The following MAP3K4 variants were observed in gnomAD, a reference collection of about 807,000 sequenced individuals.
MAP3K4 encodes the protein MAP three kinase 1.
In MAP3K4, 67 loss-of-function variants were observed where a neutral mutation model predicts 185.6. The observed-to-expected ratio is 0.36, with a 90% CI of 0.30 to 0.44. The LOEUF (loss-of-function observed/expected upper bound fraction) is 0.44, where lower values mean the gene tolerates loss of function less well. Ranked by LOEUF, MAP3K4 falls within the 20% of genes least tolerant of loss-of-function variation. The pLI, the probability that MAP3K4 is intolerant of heterozygous loss-of-function variation, is 1.00. For synonymous variants in MAP3K4, 702 were observed against 710.4 expected (o/e 0.99, Z 0.19); for missense variants, 1,551 against 1,995.1 (o/e 0.78, Z 4.24).
chr6:161,107,698 A>G lies in MAP3K4; in HGVS notation c.4049-201A>G, dbSNP rs1016918780. 1.3e-5 allele frequency among the ~76,000 whole-genome samples: 2 copies of G among 152,232 alleles called. No homozygotes were observed. The highest frequency in any genetic ancestry group is 4.8e-5 in the African/African-American group (2 of 41,460). On this transcript the variant is annotated intron_variant, in intron 20 of 26. Transcript: ENST00000392142. This position sits in a 1 kb window ranked among gnomAD's most constrained non-coding sequence, Gnocchi z 6.2. ...TTAAAGATACTTGTAGGTAAGACAT[A>G]TTAAAGAGATTGCCTAAAACTTTAG...
intron 2 of MAP3K4, among the ~76,000 whole-genome samples, chr6:161,046,374 T>A (rs988622887): frequency 6.6e-6 from 1 of 152,138 alleles, no homozygotes; most frequent in Admixed American, 6.5e-5. Flanking sequence ...GCAATTTTTT[T>A]ATATAAATAA....
intron 1 of MAP3K4, among the ~76,000 whole-genome samples, chr6:161,006,408 C>A (rs1412451066): frequency 6.6e-6 from 1 of 152,054 alleles, no homozygotes; most frequent in Non-Finnish European, 1.5e-5. Flanking sequence ...TGTTATTATT[C>A]CCTAAATAAT....
At chr6:161,069,464 G>C (rs1454585053) in intron 3 of MAP3K4, among the ~76,000 whole-genome samples, 4 of 152,158 alleles carry the variant, frequency 2.6e-5, no homozygotes, top group Admixed American at 2.0e-4. Context: ...GTGAGGGTTG[G>C]TTGAGAGTGT....
chr6:161,040,334 C>G (rs1458809856), intron 2 of MAP3K4, among the ~76,000 whole-genome samples: 4 of 152,134 alleles, frequency 2.6e-5, no homozygotes, highest in Non-Finnish European at 5.9e-5. Context: ...GCAACCTACA[C>G]ACACACAGAT....
At position 161,092,970 on chromosome 6, in the gene MAP3K4, T is replaced by C; in HGVS notation, c.3270-8T>C. The C allele has an allele frequency of 6.9e-6, 11 of 1,603,982 alleles. No homozygotes were observed. The highest frequency in any genetic ancestry group is 9.4e-6 in the Non-Finnish European group (11 of 1,171,014). On this transcript the variant is annotated splice_region_variant and splice_polypyrimidine_tract_variant and intron_variant, in intron 13 of 26. Transcript: ENST00000392142. Reference sequence around the variant, plus strand: ...GTTATGTGATTACTGAACTTTTTCGTGTACCAGGTGGGCGACTCAAGGATT... The same window carrying C: ...GTTATGTGATTACTGAACTTTTTCGCGTACCAGGTGGGCGACTCAAGGATT...
At position 161,022,075 on chromosome 6, in the gene MAP3K4, T is replaced by C. The variant is rs1175073128; in HGVS notation, c.153-12184T>C. 1 of 152,192 alleles carries C rather than the reference T, an allele frequency of 6.6e-6. No homozygotes were observed. Among genetic ancestry groups the C allele is most frequent in the Non-Finnish European group, 1.5e-5 (1 of 68,024 alleles). The allele number at this position is 152,192 out of a possible 1,614,324, so 9.4% of individuals were successfully genotyped here. On this transcript the variant is annotated intron_variant, in intron 1 of 26. Transcript: ENST00000392142. The surrounding 1 kb of genome is among the most constrained non-coding windows in gnomAD (Gnocchi z 4.2). ...TTAATTCAAAATTACCGTTCCCTAG[T>C]TTGAAAGGCTGTTTTCTATTTCAAC...
intron 1 of MAP3K4, among the ~76,000 whole-genome samples, chr6:161,002,589 C>CT (rs34733206): frequency 0.78 from 82,598 of 106,330 alleles, 33,700 homozygotes; most frequent in Admixed American, 0.83. Flanking sequence ...ATAGTTTTGG[C>CT]TTTTTTTTTT....
In MAP3K4 at chr6:161,107,873, G is replaced by T. The variant is rs201794054; in HGVS notation, c.4049-26G>T. On this transcript the variant is annotated intron_variant, in intron 20 of 26. Transcript: ENST00000392142. This position sits in a 1 kb window ranked among gnomAD's most constrained non-coding sequence, Gnocchi z 6.2. ...AGACAGCCCCCTGCAGTGGCTGGAAGTGCAGCTTGTTTGCATTGTTCACAG... is the reference window on the plus strand; with the variant it reads ...AGACAGCCCCCTGCAGTGGCTGGAATTGCAGCTTGTTTGCATTGTTCACAG... 1 of 1,591,384 alleles carries T rather than the reference G, an allele frequency of 6.3e-7. No homozygotes were observed. The highest frequency in any genetic ancestry group is 1.7e-5 in the Admixed American group (1 of 59,896).
At chr6:161,044,043 A>G (rs536648784) in intron 2 of MAP3K4, among the ~76,000 whole-genome samples, 1 of 152,320 alleles carries the variant, frequency 6.6e-6, no homozygotes, top group African/African-American at 2.4e-5. Flanking sequence ...ATTGCTTGTC[A>G]TTGGTTCCTT....
At chr6:161,039,158 C>T (rs1404695702) in intron 2 of MAP3K4, among the ~76,000 whole-genome samples, 2 of 151,072 alleles carry the variant, frequency 1.3e-5, no homozygotes, top group African/African-American at 2.4e-5. Flanking sequence ...GGTACCAGGT[C>T]GGGTTTGTAG....
In MAP3K4 at chr6:161,101,815, C is replaced by T; in HGVS notation, c.3675-77C>T. On this transcript the variant is annotated intron_variant, in intron 17 of 26. Coordinates refer to ENST00000392142, the MANE Select transcript of MAP3K4 (RefSeq NM_005922.4). The surrounding 1 kb of genome is among the most constrained non-coding windows in gnomAD (Gnocchi z 5.1). ...AGTTGCCCCCAGTTGAGAATTATTG[C>T]TCTAGAAAAATCTCGCAGATCTTTC... is the stretch of plus-strand genomic sequence containing the variant. 2 of 1,248,720 alleles carry T rather than the reference C, an allele frequency of 1.6e-6. No individual in the cohort carries two copies. The highest frequency in any genetic ancestry group is 2.3e-6 in the Non-Finnish European group (2 of 867,410). 77.4% of individuals were successfully genotyped at this position (1,248,720 alleles called of 1,614,324 possible). A position where few individuals can be genotyped will look rare whatever the true frequency, so the allele number is the denominator to read the frequency against.
At position 161,073,416 on chromosome 6, in the gene MAP3K4, C is replaced by A; in HGVS notation, c.1951-50C>A. On this transcript the variant is annotated intron_variant, in intron 4 of 26. Transcript: ENST00000392142. The surrounding 1 kb of genome is among the most constrained non-coding windows in gnomAD (Gnocchi z 4.2). ...AAGTAGGAAGATATAAAACACGGAT[C>A]GTCTGGTTGGAGTTTATGGCTGCTG... is the stretch of plus-strand genomic sequence containing the variant. 2.7e-6 allele frequency: 4 copies of A among 1,485,656 alleles called. No homozygotes were observed. Among genetic ancestry groups the A allele is most frequent in the Non-Finnish European group, 3.6e-6 (4 of 1,114,568 alleles). The allele number at this position is 1,485,656 out of a possible 1,614,324, so 92.0% of individuals were successfully genotyped here. A position where few individuals can be genotyped will look rare whatever the true frequency, so the allele number is the denominator to read the frequency against.
At chr6:161,011,359 A>G (rs767019729) in intron 1 of MAP3K4, among the ~76,000 whole-genome samples, 7 of 152,138 alleles carry the variant, frequency 4.6e-5, no homozygotes, top group Non-Finnish European at 1.0e-4. Flanking sequence ...ATTTTTCAGG[A>G]TTCTGTTTTT....
At chr6:161,092,265 G>A (rs537473689) in intron 13 of MAP3K4, 122 bp downstream of exon 13, 28 of 1,058,742 alleles carry the variant, frequency 2.6e-5, no homozygotes, top group Non-Finnish European at 5.2e-6. Context: ...AAACTCTTCG[G>A]TGATCAGGTT....
At position 161,073,860 on chromosome 6, in the gene MAP3K4, C is replaced by T. The variant is rs1190584007; in HGVS notation, c.2097+248C>T. Reference sequence around the variant, plus strand: ...ATTACATTTGTTTCTCTGAAATCCACATTTAAAAAATTCTCAATTGTTTTT... The same window carrying T: ...ATTACATTTGTTTCTCTGAAATCCATATTTAAAAAATTCTCAATTGTTTTT... On this transcript the variant is annotated intron_variant, in intron 5 of 26. Transcript: ENST00000392142. The surrounding 1 kb of genome is among the most constrained non-coding windows in gnomAD (Gnocchi z 4.2). Among the ~76,000 whole-genome samples the T allele has an allele frequency of 6.6e-6, 1 of 152,122 alleles. No homozygotes were observed. Among genetic ancestry groups the T allele is most frequent in the Non-Finnish European group, 1.5e-5 (1 of 68,032 alleles).
chr6:160,997,739 T>C, intron 1 of MAP3K4, among the ~76,000 whole-genome samples: 1 of 152,236 alleles, frequency 6.6e-6, no homozygotes, highest in East Asian at 1.9e-4. Flanking sequence ...GGAATTCCTC[T>C]CTTGACTCAA....
In MAP3K4 at chr6:161,056,688, CT is replaced by C. The variant is rs1189432559; in HGVS notation, c.1707+6713del. Among the ~76,000 whole-genome samples, 1 of 152,198 alleles carries C rather than the reference CT, an allele frequency of 6.6e-6. No individual in the cohort carries two copies. The highest frequency in any genetic ancestry group is 2.4e-5 in the African/African-American group (1 of 41,450). On this transcript the variant is annotated intron_variant, in intron 3 of 26. Coordinates refer to ENST00000392142, the MANE Select transcript of MAP3K4 (RefSeq NM_005922.4). This position sits in a 1 kb window ranked among gnomAD's most constrained non-coding sequence, Gnocchi z 5.4. ...AGGGTGTAGTGTTTCAGTCAAGTTCCTTTTGTCTTTAGCCTTTTATAGTCAA... is the reference window on the plus strand; with the variant it reads ...AGGGTGTAGTGTTTCAGTCAAGTTCCTTTGTCTTTAGCCTTTTATAGTCAA...
intron 1 of MAP3K4, among the ~76,000 whole-genome samples, chr6:160,997,079 TC>T (rs1442431732): frequency 6.6e-6 from 1 of 152,228 alleles, no homozygotes; most frequent in East Asian, 1.9e-4. Flanking sequence ...TAATCTTCAG[TC>T]TTTATAACAA....
rs1785692710 is a variant in MAP3K4 at position 161,086,005 on chromosome 6, T to C, written c.2373-374T>C. Among the ~76,000 whole-genome samples the C allele has an allele frequency of 6.6e-6, 1 of 152,178 alleles. No homozygotes were observed. The highest frequency in any genetic ancestry group is 2.4e-5 in the African/African-American group (1 of 41,436). The stretch of plus-strand genomic sequence containing the variant: ...AAGATAGTAATTTAGGGTCACCCAG[T>C]TGTTAAATATTTCCCAGATCACACT... On this transcript the variant is annotated intron_variant, in intron 7 of 26. Coordinates refer to ENST00000392142, the MANE Select transcript of MAP3K4 (RefSeq NM_005922.4). This position sits in a 1 kb window ranked among gnomAD's most constrained non-coding sequence, Gnocchi z 4.8.
Sources: gnomAD v4.1 joint callset for allele counts (sites outside exome capture counted in the v4.1 genomes callset) on GRCh38, gnomAD v4.1.1 for gene constraint, Gnocchi (gnomAD v3.1) non-coding constraint, MANE v1.5 for transcripts, NCBI Gene and HGNC (gene_info 2026-07-23, HGNC 2026-07-21) for gene names.